The following CCDC30 variants were observed in gnomAD, a reference collection of about 807,000 sequenced individuals.
CCDC30 encodes coiled-coil domain-containing protein 30.
In CCDC30, 70 loss-of-function variants were observed where a neutral mutation model predicts 100.2. The ratio of observed to expected loss-of-function variants is 0.70; its 90% CI spans 0.58 to 0.85. CCDC30 has a LOEUF of 0.85. CCDC30 is among the 40% of genes least tolerant of loss of function. The pLI is 0.00. For synonymous variants in CCDC30, 233 were observed against 269.5 expected (o/e 0.86, Z 1.33); for missense variants, 652 against 771.2 (o/e 0.85, Z 1.83).
intron 6 of CCDC30, among the ~76,000 whole-genome samples, chr1:42,528,381 G>A (rs1644755844): frequency 6.6e-6 from 1 of 152,184 alleles, no homozygotes; most frequent in Non-Finnish European, 1.5e-5. Context: ...GTGTGAAGGA[G>A]GCTTGATATG....
intron 1 of CCDC30, among the ~76,000 whole-genome samples, chr1:42,465,445 A>G (rs570147306): frequency 3.4e-4 from 51 of 152,002 alleles, no homozygotes; most frequent in Middle Eastern, 3.4e-3. Context: ...GCCCACTGCA[A>G]CCTCCGCCTC....
At chr1:42,471,100 C>T (rs1051982131) in intron 1 of CCDC30, among the ~76,000 whole-genome samples, 2 of 152,100 alleles carry the variant, frequency 1.3e-5, no homozygotes, top group African/African-American at 4.8e-5. Flanking sequence ...TGAGGATGGG[C>T]AGCTAAATAA....
In CCDC30 at chr1:42,646,218, A is replaced by G. The variant is rs116618138; in HGVS notation, c.1755A>G (p.Ile585Met). The stretch of plus-strand genomic sequence containing the variant: ...CTCCAACAAAGAAACAGAAAGAAAT[A>G]TACAGCACTGAGGTCTTCACCAGCA... The change falls in exon 15 of 17, where the codon ATA becomes ATG. Residue 585 changes from isoleucine (I) to methionine (M), a missense_variant. Coordinates refer to ENST00000668663, the Ensembl canonical transcript of CCDC30. The G allele has an allele frequency of 3.1e-4, 485 of 1,572,014 alleles. No individual in the cohort carries two copies. In the African/African-American group the frequency reaches 5.7e-3, roughly 19 times the overall value.
intron 6 of CCDC30, chr1:42,537,173 A>C (rs1259647467): frequency 6.6e-6 from 3 of 455,670 alleles, no homozygotes; most frequent in East Asian, 1.4e-4. Context: ...CAGACGTTTG[A>C]TTGTTGTAGT....
intron 10 of CCDC30, among the ~76,000 whole-genome samples, chr1:42,599,176 T>C (rs1462128230): frequency 6.6e-6 from 1 of 152,222 alleles, no homozygotes; most frequent in African/African-American, 2.4e-5. Context: ...GTGTGTCATA[T>C]ATAACTGTGT....
intron 15 of CCDC30, among the ~76,000 whole-genome samples, chr1:42,652,324 G>A (rs978469655): frequency 7.9e-5 from 12 of 152,246 alleles, no homozygotes; most frequent in Non-Finnish European, 5.9e-5. Context: ...GGGTGAGGAG[G>A]CAATGGGGAG....
chr1:42,556,863 T>C (rs936541041), intron 6 of CCDC30, among the ~76,000 whole-genome samples: 1 of 152,226 alleles, frequency 6.6e-6, no homozygotes, highest in Non-Finnish European at 1.5e-5. Flanking sequence ...GATGGTAGGA[T>C]GCACCACATT....
intron 6 of CCDC30, among the ~76,000 whole-genome samples, chr1:42,535,215 ATAAGGATGGTT>A (rs1644872306): frequency 6.6e-6 from 1 of 152,190 alleles, no homozygotes. Context: ...TGTTGAAATT[ATAAGGATGGTT>A]TAAAGGTATT....
At chr1:42,491,506 TAAA>T (rs34146821) in intron 4 of CCDC30, among the ~76,000 whole-genome samples, 2 of 144,264 alleles carry the variant, frequency 1.4e-5, no homozygotes. Flanking sequence ...GGTTAATGGG[TAAA>T]AAAAAAAAAA....
intron 6 of CCDC30, among the ~76,000 whole-genome samples, chr1:42,542,036 C>T (rs1021349477): frequency 6.6e-6 from 1 of 152,200 alleles, no homozygotes; most frequent in Non-Finnish European, 1.5e-5. Context: ...CCTAAGGCCT[C>T]AATCAGAAAG....
chr1:42,556,349 C>A lies in CCDC30; in HGVS notation c.457-9947C>A, dbSNP rs766481931. 8.1e-6 allele frequency: 13 copies of A among 1,614,130 alleles called. No homozygotes were observed. The South Asian group carries it at 1.1e-4, about 14-fold the overall frequency. ...TAGAGAAGAGCTGAGCCATATAAAT[C>A]AGAGCCTTCTTCAGTCTCAGAGCTC... On this transcript the variant is annotated intron_variant, in intron 6 of 16. Transcript: ENST00000668663.
At chr1:42,577,849 C>A (rs1166518374) in intron 8 of CCDC30, among the ~76,000 whole-genome samples, 1 of 151,982 alleles carries the variant, frequency 6.6e-6, no homozygotes, top group African/African-American at 2.4e-5. Context: ...ACCGTGTTAG[C>A]CAGGGTGGTC....
chr1:42,504,911 C>G (rs1644372838), intron 6 of CCDC30, among the ~76,000 whole-genome samples: 1 of 152,086 alleles, frequency 6.6e-6, no homozygotes, highest in Non-Finnish European at 1.5e-5. Flanking sequence ...TATTACCAAA[C>G]CCAATAAAAA....
chr1:42,511,729 C>A (rs1644480676), intron 6 of CCDC30, among the ~76,000 whole-genome samples: 2 of 151,946 alleles, frequency 1.3e-5, no homozygotes, highest in South Asian at 4.2e-4. Flanking sequence ...GAGAATTTGG[C>A]AAAGGGACGA....
intron 10 of CCDC30, among the ~76,000 whole-genome samples, chr1:42,603,630 G>T (rs1317096160): frequency 2.0e-5 from 3 of 152,166 alleles, no homozygotes; most frequent in Non-Finnish European, 4.4e-5. Flanking sequence ...AACACCAAAT[G>T]CTGGCAAGCA....
At chr1:42,473,391 G>A in intron 1 of CCDC30, 1 of 746,280 alleles carries the variant, frequency 1.3e-6, no homozygotes, top group East Asian at 3.4e-5. Context: ...ACTAATGTTT[G>A]GCTATCACTG....
At chr1:42,650,698 C>A (rs1648276694) in intron 15 of CCDC30, among the ~76,000 whole-genome samples, 1 of 151,972 alleles carries the variant, frequency 6.6e-6, no homozygotes, top group South Asian at 2.1e-4. Context: ...GCAATCACAG[C>A]TCACTGCAGC....
chr1:42,613,400 G>T (rs978674067), intron 11 of CCDC30, among the ~76,000 whole-genome samples: 1 of 152,048 alleles, frequency 6.6e-6, no homozygotes, highest in African/African-American at 2.4e-5. Flanking sequence ...GACCACAGGC[G>T]CCCACTGCCA....
rs1646284876 is a variant in CCDC30 at position 42,596,241 on chromosome 1, C to A, written c.1164+6758C>A. On this transcript the variant is annotated intron_variant, in intron 10 of 16. Coordinates refer to ENST00000668663, the Ensembl canonical transcript of CCDC30. The surrounding 1 kb of genome is among the most constrained non-coding windows in gnomAD (Gnocchi z 4.3). ...GTGTATCAAGTCTGAGAGAGAGAAA[C>A]TCCAGAGGGACCCAGTCATTAGGGG... 6.6e-6 allele frequency among the ~76,000 whole-genome samples: 1 copy of A among 152,180 alleles called. No homozygotes were observed.
Sources: allele counts gnomAD v4.1 joint callset (sites outside exome capture counted in the v4.1 genomes callset), GRCh38; gene constraint gnomAD v4.1.1; non-coding constraint Gnocchi (gnomAD v3.1); transcripts MANE v1.5; gene names NCBI Gene and HGNC (gene_info 2026-07-23, HGNC 2026-07-21).